The following WDR47 variants were observed in gnomAD, a reference collection of about 807,000 sequenced individuals.
WDR47 encodes the protein WD repeat domain 47.
Under a neutral mutation model 97.2 loss-of-function variants are expected in WDR47, and 32 were observed. The observed-to-expected ratio is 0.33, with a 90% CI of 0.25 to 0.44. The LOEUF (loss-of-function observed/expected upper bound fraction) is 0.44, where lower values mean the gene tolerates loss of function less well. Among genes scored for constraint, WDR47 ranks in the 20% least tolerant of loss-of-function variants. WDR47 has a pLI of 1.00. For synonymous variants in WDR47, 375 were observed against 373.5 expected, an observed-to-expected ratio of 1.00 and a Z score of -0.05; for missense variants, 782 against 1,102.3, an observed-to-expected ratio of 0.71 and a Z score of 4.11.
chr1:108,986,571 T>G lies in WDR47; in HGVS notation c.1877A>C (p.Asn626Thr). Residue 626 changes from asparagine (N) to threonine (T), a missense_variant, in exon 10 of 15, where the codon AAT becomes ACT. Around this residue, in one of 3 missense-constraint regions of WDR47, gnomAD observed 228 missense variants for 396.7 expected, o/e 0.57. Transcript: ENST00000369962. ...GGCACATACTCTCAGAGTTTTTGAA[T>G]TTGAACCAACAGCATATAAACCTCC... ...PAGGLYAVGS[N>T]SKTLRVCAYP... 6.2e-7 allele frequency: 1 copy of G among 1,613,840 alleles called. No homozygotes were observed. Among genetic ancestry groups the G allele is most frequent in the Non-Finnish European group, 8.5e-7 (1 of 1,179,842 alleles).
chr1:108,984,741 C>G (rs576821), intron 10 of WDR47, among the ~76,000 whole-genome samples: 149,835 of 152,240 alleles, frequency 0.98, 73,789 homozygotes, highest in Middle Eastern at 1. Context: ...AGCTAGGCAT[C>G]GTGGTGCATG....
chr1:109,019,442 GGAGGCTGA>G (rs1171851043), intron 2 of WDR47, among the ~76,000 whole-genome samples: 1 of 151,326 alleles, frequency 6.6e-6, no homozygotes, highest in East Asian at 1.9e-4. Flanking sequence ...CAACATGTTA[GGAGGCTGA>G]GGCACCATGG....
intron 3 of WDR47, 63 bp downstream of exon 3, chr1:109,017,455 G>C: frequency 7.3e-7 from 1 of 1,378,074 alleles, no homozygotes. Flanking sequence ...GAAAATTTTT[G>C]TTCATTGTTT....
At chr1:108,980,963 T>TA (rs1326276866) in intron 13 of WDR47, among the ~76,000 whole-genome samples, 4 of 151,368 alleles carry the variant, frequency 2.6e-5, no homozygotes, top group Admixed American at 2.6e-4. Flanking sequence ...CCGTCTCTAC[T>TA]AAAAAATGCA....
intron 5 of WDR47, among the ~76,000 whole-genome samples, chr1:109,009,083 C>CA (rs922497630): frequency 6.8e-4 from 99 of 146,500 alleles, no homozygotes; most frequent in South Asian, 1.1e-3. Flanking sequence ...GACTCCATCT[C>CA]AAAAAAAAAA....
chr1:109,021,092 T>G (rs74887247), intron 2 of WDR47, among the ~76,000 whole-genome samples: 2,145 of 152,310 alleles, frequency 0.014, 27 homozygotes, highest in Non-Finnish European at 0.021. Flanking sequence ...AATACACTTC[T>G]GCCTGCAAAT....
intron 1 of WDR47, among the ~76,000 whole-genome samples, chr1:109,040,655 A>C (rs1242874533): frequency 1.3e-5 from 2 of 152,122 alleles, no homozygotes; most frequent in African/African-American, 2.4e-5. Context: ...ATTGGAAGCA[A>C]TCTCTCCTAA....
At position 109,002,339 on chromosome 1, in the gene WDR47, A is replaced by T; in HGVS notation, c.1318T>A (p.Leu440Ile). The change falls in exon 7 of 15, where the codon TTA becomes ATA. Residue 440 changes from leucine to isoleucine, a missense_variant. Coordinates refer to ENST00000369962, the MANE Select transcript of WDR47 (RefSeq NM_001142551.2). The part of the protein sequence containing the change: ...YRQRLRYQQH[L>I]EQKEQQRQIY... ...TGCCGCTGTTGCTCCTTCTGTTCTAAATGCTGTTGATAGCGTAATCTTTGC... is the reference window on the plus strand; with the variant it reads ...TGCCGCTGTTGCTCCTTCTGTTCTATATGCTGTTGATAGCGTAATCTTTGC... The T allele has an allele frequency of 1.2e-6, 2 of 1,612,954 alleles. No individual in the cohort carries two copies. The highest frequency in any genetic ancestry group is 1.7e-6 in the Non-Finnish European group (2 of 1,179,828).
At chr1:109,038,804 CTG>C (rs1332721047) in intron 1 of WDR47, among the ~76,000 whole-genome samples, 1 of 152,126 alleles carries the variant, frequency 6.6e-6, no homozygotes, top group African/African-American at 2.4e-5. Flanking sequence ...TGGTGAAACC[CTG>C]TCTCTACTAA....
At chr1:108,996,649 A>C (rs910963565) in intron 7 of WDR47, among the ~76,000 whole-genome samples, 6 of 152,230 alleles carry the variant, frequency 3.9e-5, no homozygotes, top group Non-Finnish European at 7.3e-5. Flanking sequence ...TTCATTCTAC[A>C]AATACTATTG....
intron 7 of WDR47, among the ~76,000 whole-genome samples, chr1:108,999,345 T>C (rs1659997716): frequency 6.6e-6 from 1 of 151,684 alleles, no homozygotes; most frequent in Admixed American, 6.6e-5. Flanking sequence ...GCATGGAAGC[T>C]CCATGTCAAA....
In WDR47 at chr1:108,991,327, G is replaced by C. The variant is rs2101858572; in HGVS notation, c.1694C>G (p.Ser565Cys). Residue 565 changes from serine to cysteine, a missense_variant and splice_region_variant, in exon 9 of 15, where the codon TCT (serine) becomes TGT (cysteine). Ser to Cys is a moderately radical substitution (Grantham distance 112). Coordinates refer to ENST00000369962, the MANE Select transcript of WDR47 (RefSeq NM_001142551.2). Reference protein sequence around the residue: ...LEESPCGSQISSEHSVIKPPL... With the variant: ...LEESPCGSQICSEHSVIKPPL... ...TGGCTTAATGACCGAATGTTCTGAA[G>C]AGCTGTGGGAGTAGAAATTCAAGTA... 1 of 1,608,688 alleles carries C rather than the reference G, an allele frequency of 6.2e-7. No homozygotes were observed. The highest frequency in any genetic ancestry group is 8.5e-7 in the Non-Finnish European group (1 of 1,176,604).
intron 7 of WDR47, among the ~76,000 whole-genome samples, chr1:109,001,349 G>T (rs914388759): frequency 6.6e-6 from 1 of 151,898 alleles, no homozygotes; most frequent in African/African-American, 2.4e-5. Flanking sequence ...AAACACACAC[G>T]TGTGTGTATA....
intron 14 of WDR47, 55 bp downstream of exon 14, chr1:108,974,481 A>G: frequency 6.9e-7 from 1 of 1,448,892 alleles, no homozygotes; most frequent in Non-Finnish European, 9.4e-7. Context: ...ACAAAAAAAT[A>G]AAGGTCCCAA....
chr1:109,018,117 C>T (rs1661551611), intron 2 of WDR47, among the ~76,000 whole-genome samples: 1 of 152,084 alleles, frequency 6.6e-6, no homozygotes, highest in Admixed American at 6.6e-5. Context: ...TGCAACCACT[C>T]ATACTAACTA....
At chr1:109,010,720 C>A (rs1343691678) in intron 5 of WDR47, among the ~76,000 whole-genome samples, 196 bp downstream of exon 5, 5 of 151,584 alleles carry the variant, frequency 3.3e-5, no homozygotes, top group Non-Finnish European at 1.5e-5. Context: ...ATAGCTGGGA[C>A]TACAGGCACC....
At chr1:109,010,542 A>G (rs918440731) in intron 5 of WDR47, among the ~76,000 whole-genome samples, 5 of 150,814 alleles carry the variant, frequency 3.3e-5, no homozygotes, top group Non-Finnish European at 7.4e-5. Flanking sequence ...TATACACACT[A>G]TAATTAGATT....
At position 109,011,511 on chromosome 1, in the gene WDR47, C is replaced by G; in HGVS notation, c.535G>C (p.Asp179His). Residue 179 changes from aspartate (D) to histidine (H), a missense_variant, in exon 5 of 15, where the codon GAT (aspartate) becomes CAT (histidine). By Grantham distance (81) the Asp-to-His change is moderately conservative. Transcript: ENST00000369962. ...AAACCAGCTTCACTTAGCTTCCTAT[C>G]AGCAGGGATGAATTCTGCAACCATG... ...CVMVAEFIPA[D>H]RKLSEAGFKA... 6.2e-7 allele frequency: 1 copy of G among 1,614,192 alleles called. No homozygotes were observed. The highest frequency in any genetic ancestry group is 8.5e-7 in the Non-Finnish European group (1 of 1,180,038).
At position 108,982,791 on chromosome 1, in the gene WDR47, G is replaced by T; in HGVS notation, c.2096-12C>A. ...TTCCAGATCTGGTCCTGAAACAGTA[G>T]TAAGAATTAAAAAAAAAAAATGCTG... On this transcript the variant is annotated splice_polypyrimidine_tract_variant and intron_variant, in intron 11 of 14. Coordinates refer to ENST00000369962, the MANE Select transcript of WDR47 (RefSeq NM_001142551.2). 6.3e-7 allele frequency: 1 copy of T among 1,583,106 alleles called. No individual in the cohort carries two copies. Among genetic ancestry groups the T allele is most frequent in the Non-Finnish European group, 8.5e-7 (1 of 1,170,922 alleles).
Sources: gnomAD v4.1 joint callset for allele counts (sites outside exome capture counted in the v4.1 genomes callset) on GRCh38, gnomAD v4.1.1 for gene constraint, gnomAD v4.1.1 regional missense constraint, MANE v1.5 for transcripts, NCBI Gene and HGNC (gene_info 2026-07-23, HGNC 2026-07-21) for gene names.